The following STING1 variants were observed in gnomAD, a reference collection of about 807,000 sequenced individuals.
STING1 encodes stimulator of interferon response cGAMP interactor 1, also known as stimulator of interferon genes protein.
A neutral mutation model predicts 31.6 loss-of-function variants in STING1; 19 were observed. That is an observed-to-expected ratio of 0.60 (90% confidence interval 0.42 to 0.88). STING1 has a LOEUF of 0.88. Among genes scored for constraint, STING1 ranks in the 40% least tolerant of loss-of-function variants. The pLI, the probability that STING1 is intolerant of heterozygous loss-of-function variation, is 0.00. For synonymous variants in STING1, 200 were observed against 208.6 expected (o/e 0.96, Z 0.35); for missense variants, 371 against 483.7 (o/e 0.77, Z 2.19).
Position 139,481,452 on chromosome 5 carries a change from C to T in STING1, c.227+26G>A, listed in dbSNP as rs142432488. 2.0e-5 allele frequency: 32 copies of T among 1,606,036 alleles called. No homozygotes were observed. The highest frequency in any genetic ancestry group is 1.5e-4 in the African/African-American group (11 of 74,898). On this transcript the variant is annotated intron_variant, in intron 3 of 7. Transcript: ENST00000330794. The surrounding 1 kb of genome is among the most constrained non-coding windows in gnomAD (Gnocchi z 4.1). ...AGGGAGTGACACACGTTGGATACCC[C>T]GTCCCTGGGTACTGCAGTGAGTCAC... is the stretch of plus-strand genomic sequence containing the variant.
chr5:139,479,848 CAAAAAAAAAAA>C (rs1168023127), intron 5 of STING1, among the ~76,000 whole-genome samples: 44 of 34,916 alleles, frequency 1.3e-3, no homozygotes, highest in Non-Finnish European at 1.5e-3. Context: ...ACTAAAAATA[CAAAAAAAAAAA>C]AAAAAAAAAA....
At chr5:139,478,838 G>T (rs778156891) in intron 5 of STING1, 1 of 300,174 alleles carries the variant, frequency 3.3e-6, no homozygotes, top group South Asian at 4.5e-5. Context: ...ACAGAGGGAG[G>T]CCTCTAGCCC....
In STING1 at chr5:139,481,073, T is replaced by C. The variant is rs1318283500; in HGVS notation, c.411+86A>G. On this transcript the variant is annotated intron_variant, in intron 4 of 7. Transcript: ENST00000330794. The surrounding 1 kb of genome is among the most constrained non-coding windows in gnomAD (Gnocchi z 4.1). ...CCATGGACTCCAGCCTTTAAACCAG[T>C]CCCACTCCCAGTACTCAGCTCAGGG... 3 of 1,409,802 alleles carry C rather than the reference T, an allele frequency of 2.1e-6. No individual in the cohort carries two copies. In the Admixed American group the frequency reaches 5.1e-5, roughly 24 times the overall value. The allele number at this position is 1,409,802 out of a possible 1,614,324, so 87.3% of individuals were successfully genotyped here.
Position 139,481,707 on chromosome 5 carries a change from G to T in STING1, c.1-3C>A. 6.3e-7 allele frequency: 1 copy of T among 1,595,034 alleles called. No individual in the cohort carries two copies. The highest frequency in any genetic ancestry group is 8.6e-7 in the Non-Finnish European group (1 of 1,165,634). On this transcript the variant is annotated splice_region_variant and splice_polypyrimidine_tract_variant and intron_variant, in intron 2 of 7. Coordinates refer to ENST00000330794, the MANE Select transcript of STING1 (RefSeq NM_198282.4). The surrounding 1 kb of genome is among the most constrained non-coding windows in gnomAD (Gnocchi z 4.1). ...GGATGCAGGCTGGAGTGGGGCATCT[G>T]TGGGCACCAAGAAATCCATGACCAT...
chr5:139,481,596 C>T lies in STING1; in HGVS notation c.109G>A (p.Gly37Arg), dbSNP rs1369102847. Reference sequence around the variant, plus strand: ...CGGAGAGTGTGCTCTGGTGGCTCTCCTAGCCCCCAAAGGGTCACCAGGCAG... The same window carrying T: ...CGGAGAGTGTGCTCTGGTGGCTCTCTTAGCCCCCAAAGGGTCACCAGGCAG... ...SACLVTLWGL[G>R]EPPEHTLRYL... Residue 37 changes from glycine to arginine, a missense_variant, in exon 3 of 8, where the codon GGA becomes AGA. Physicochemically the swap from Gly to Arg is moderately radical, Grantham distance 125 (BLOSUM62 -2). Transcript: ENST00000330794. The surrounding 1 kb of genome is among the most constrained non-coding windows in gnomAD (Gnocchi z 4.1). The T allele has an allele frequency of 2.0e-5, 33 of 1,613,712 alleles. No homozygotes were observed. Among genetic ancestry groups the T allele is most frequent in the Non-Finnish European group, 2.8e-5 (33 of 1,179,890 alleles).
In STING1 at chr5:139,481,561, C is replaced by G. The variant is rs7447927; in HGVS notation, c.144G>C (p.Val48=). The G allele has an allele frequency of 0.68, 1,097,337 of 1,613,522 alleles. 389,177 individuals carry two copies. Among genetic ancestry groups the G allele is most frequent in the Non-Finnish European group, 0.74 (868,623 of 1,179,790 alleles). ...EPPEHTLRYL[V]LHLASLQLGL... is the part of the protein sequence containing the mutation. ...CCAGCTGCAGGGAGGCTAGGTGGAG[C>G]ACCAGGTACCGGAGAGTGTGCTCTG... The change falls in exon 3 of 8, where the codon GTG becomes GTC. Residue 48 remains valine, a synonymous_variant. Transcript: ENST00000330794. This position sits in a 1 kb window ranked among gnomAD's most constrained non-coding sequence, Gnocchi z 4.1.
intron 4 of STING1, 81 bp from the exon 5 acceptor site, chr5:139,480,979 C>G: frequency 7.9e-7 from 1 of 1,264,740 alleles, no homozygotes. Flanking sequence ...GGCTTCCCAA[C>G]CTGCTCCTGA....
At chr5:139,478,249 C>G in intron 6 of STING1, 21 bp downstream of exon 6, 1 of 1,588,326 alleles carries the variant, frequency 6.3e-7, no homozygotes, top group Non-Finnish European at 8.6e-7. Context: ...CTCAGAGACC[C>G]CCACTCCCCT....
At position 139,481,862 on chromosome 5, in the gene STING1, A is replaced by T; in HGVS notation, c.1-158T>A. 1 of 624,274 alleles carries T rather than the reference A, an allele frequency of 1.6e-6. No individual in the cohort carries two copies. Among genetic ancestry groups the T allele is most frequent in the Non-Finnish European group, 2.8e-6 (1 of 357,130 alleles). The allele number at this position is 624,274 out of a possible 1,614,324, so 38.7% of individuals were successfully genotyped here. On this transcript the variant is annotated intron_variant, in intron 2 of 7. Transcript: ENST00000330794. This position sits in a 1 kb window ranked among gnomAD's most constrained non-coding sequence, Gnocchi z 4.1. ...AGACACCTCTAGGAGGCAGGCTGGGAATAAGTCACCCCAAAGCTCCTGTCT... is the reference window on the plus strand; with the variant it reads ...AGACACCTCTAGGAGGCAGGCTGGGTATAAGTCACCCCAAAGCTCCTGTCT...
At chr5:139,477,585 AGGCTCTGGCCCCCAGTGCCAC>A in intron 6 of STING1, 70 bp from the exon 7 acceptor site, 1 of 1,501,568 alleles carries the variant, frequency 6.7e-7, no homozygotes. Context: ...GGTCCAGTCC[AGGCTCTGGCCCCCAGTGCCAC>A]GGGCTGAGGC....
Position 139,477,510 on chromosome 5 carries a change from GC to G in STING1, c.764del (p.Gly255AlafsTer92). The G allele has an allele frequency of 6.2e-7, 1 of 1,613,712 alleles. No individual in the cohort carries two copies. The highest frequency in any genetic ancestry group is 8.5e-7 in the Non-Finnish European group (1 of 1,179,788). On this transcript the variant is annotated frameshift_variant, in exon 7 of 8. Transcript: ENST00000330794. LOFTEE classifies it high-confidence loss of function. Reference protein sequence around the residue: ...YELLENGQRAGTCVLEYATPL... With the variant: ...YELLENGQRAXTCVLEYATPL... ...GGGTGGCGTACTCCAGGACACAGGTGCCCGCCTAGAGGAGGTAAGAGGAAGA... is the reference window on the plus strand; with the variant it reads ...GGGTGGCGTACTCCAGGACACAGGTGCCGCCTAGAGGAGGTAAGAGGAAGA...
At position 139,476,179 on chromosome 5, in the gene STING1, G is replaced by A. The variant is rs1256076796; in HGVS notation, c.*82C>T. 1.4e-5 allele frequency: 16 copies of A among 1,143,694 alleles called. No individual in the cohort carries two copies. The highest frequency in any genetic ancestry group is 1.7e-5 in the Non-Finnish European group (14 of 806,216). 70.8% of individuals were successfully genotyped at this position (1,143,694 alleles called of 1,614,324 possible). On this transcript the variant is annotated 3_prime_UTR_variant, in exon 8 of 8. Coordinates refer to ENST00000330794, the MANE Select transcript of STING1 (RefSeq NM_198282.4). ...GCCCCCTGTGGAAGGAAATAGCTCT[G>A]CTGGACATTCAGCCACTGAAGAGAG...
intron 5 of STING1, among the ~76,000 whole-genome samples, chr5:139,480,202 C>T (rs898587849): frequency 6.6e-6 from 1 of 151,960 alleles, no homozygotes; most frequent in African/African-American, 2.4e-5. Context: ...ATTCCTTCCT[C>T]ATAGGGTGTG....
rs1751862185 is a variant in STING1 at position 139,481,801 on chromosome 5, C to A, written c.1-97G>T. ...GGGCACTTCCTCCCAGTTCCCCTTTCCCTGGTGCCCAGCCACTCCCAGAGG... is the reference window on the plus strand; with the variant it reads ...GGGCACTTCCTCCCAGTTCCCCTTTACCTGGTGCCCAGCCACTCCCAGAGG... On this transcript the variant is annotated intron_variant, in intron 2 of 7. Transcript: ENST00000330794. This position sits in a 1 kb window ranked among gnomAD's most constrained non-coding sequence, Gnocchi z 4.1. The A allele has an allele frequency of 9.7e-7, 1 of 1,034,150 alleles. No individual in the cohort carries two copies. Among genetic ancestry groups the A allele is most frequent in the South Asian group, 1.6e-5 (1 of 62,698 alleles). 64.1% of individuals were successfully genotyped at this position (1,034,150 alleles called of 1,614,324 possible).
At chr5:139,479,220 A>T (rs1004286067) in intron 5 of STING1, 1 of 149,820 alleles carries the variant, frequency 6.7e-6, no homozygotes, top group Non-Finnish European at 1.5e-5. Flanking sequence ...TAACAGAAAG[A>T]GACTTCATCT....
rs201277595 is a variant in STING1 at position 139,478,481 on chromosome 5, T to G, written c.548A>C (p.Asn183Thr). The G allele has an allele frequency of 6.2e-7, 1 of 1,614,100 alleles. No individual in the cohort carries two copies. The highest frequency in any genetic ancestry group is 8.5e-7 in the Non-Finnish European group (1 of 1,180,010). The change falls in exon 6 of 8, where the codon AAT becomes ACT. Residue 183 changes from asparagine to threonine, a missense_variant. Asn to Thr is a moderately conservative substitution (Grantham distance 65, BLOSUM62 0). Transcript: ENST00000330794. ...PELQARIRTY[N>T]QHYNNLLRGA... The stretch of plus-strand genomic sequence containing the variant: ...CCGTAGCAGGTTGTTGTAATGCTGA[T>G]TGTAAGTTCGAATCCGGGCCTGGAG...
At position 139,476,409 on chromosome 5, in the gene STING1, C is replaced by A; in HGVS notation, c.992G>T (p.Arg331Leu). Residue 331 changes from arginine to leucine, a missense_variant, in exon 8 of 8, where the codon CGG becomes CTG. Coordinates refer to ENST00000330794, the MANE Select transcript of STING1 (RefSeq NM_198282.4). ...TTCCTTTTCCTCCTGCCGCAGGTGC[C>A]GGAGAACCTCCTGGGACAGCGAGAA... Reference protein sequence around the residue: ...SSFSLSQEVLRHLRQEEKEEV... With the variant: ...SSFSLSQEVLLHLRQEEKEEV... 1 of 1,612,452 alleles carries A rather than the reference C, an allele frequency of 6.2e-7. No individual in the cohort carries two copies. The highest frequency in any genetic ancestry group is 2.1e-4 in the Middle Eastern group (1 of 4,708).
chr5:139,481,011 G>A lies in STING1; in HGVS notation c.412-113C>T. ...CTGACTTGATCCCTCTTTTGCCATT[G>A]CCAAACCCACTGTTCCAGGACATTA... is the stretch of plus-strand genomic sequence containing the variant. On this transcript the variant is annotated intron_variant, in intron 4 of 7. Coordinates refer to ENST00000330794, the MANE Select transcript of STING1 (RefSeq NM_198282.4). The surrounding 1 kb of genome is among the most constrained non-coding windows in gnomAD (Gnocchi z 4.1). 1 of 1,202,588 alleles carries A rather than the reference G, an allele frequency of 8.3e-7. No homozygotes were observed. The highest frequency in any genetic ancestry group is 1.2e-6 in the Non-Finnish European group (1 of 824,302). 74.5% of individuals were successfully genotyped at this position (1,202,588 alleles called of 1,614,324 possible).
Position 139,481,540 on chromosome 5 carries a change from C to G in STING1, c.165G>C (p.Gln55His). Residue 55 changes from glutamine to histidine, a missense_variant, in exon 3 of 8, where the codon CAG becomes CAC. Transcript: ENST00000330794. This position sits in a 1 kb window ranked among gnomAD's most constrained non-coding sequence, Gnocchi z 4.1. The stretch of plus-strand genomic sequence containing the variant: ...AGACCCCGTTTAACAGCAGTCCCAG[C>G]TGCAGGGAGGCTAGGTGGAGCACCA... ...RYLVLHLASL[Q>H]LGLLLNGVCS... The G allele has an allele frequency of 6.2e-7, 1 of 1,613,994 alleles. No individual in the cohort carries two copies. Among genetic ancestry groups the G allele is most frequent in the South Asian group, 1.1e-5 (1 of 91,084 alleles).
Sources: gnomAD v4.1 joint callset for allele counts (sites outside exome capture counted in the v4.1 genomes callset) on GRCh38, gnomAD v4.1.1 for gene constraint, Gnocchi (gnomAD v3.1) non-coding constraint, MANE v1.5 for transcripts, NCBI Gene and HGNC (gene_info 2026-07-23, HGNC 2026-07-21) for gene names.